Variants in KIF13A observed in about 807,000 individuals in gnomAD.
KIF13A encodes the protein kinesin family member 13A.
A neutral mutation model predicts 212.2 loss-of-function variants in KIF13A; 79 were observed. The ratio of observed to expected loss-of-function variants is 0.37; its 90% CI spans 0.31 to 0.45. The LOEUF (loss-of-function observed/expected upper bound fraction) is 0.45. Ranked by LOEUF, KIF13A falls within the 20% of genes least tolerant of loss-of-function variation. The probability of loss-of-function intolerance (pLI) is 1.00; values close to 1 mark genes in which losing one functional copy is unlikely to be tolerated. For missense variants in KIF13A, 1,901 were observed against 2,209.0 expected, an observed-to-expected ratio of 0.86 and a Z score of 2.79; for synonymous variants, 789 against 808.6, an observed-to-expected ratio of 0.98 and a Z score of 0.41.
At chr6:17,973,590 G>T (rs569891421) in intron 2 of KIF13A, among the ~76,000 whole-genome samples, 1 of 151,984 alleles carries the variant, frequency 6.6e-6, no homozygotes, top group African/African-American at 2.4e-5. Flanking sequence ...TCAAAGTACC[G>T]TTGGGATAAA....
Position 17,918,061 on chromosome 6 carries a change from G to A in KIF13A, c.147-19881C>T, listed in dbSNP as rs1774707716. Among the ~76,000 whole-genome samples the A allele has an allele frequency of 6.6e-6, 1 of 151,986 alleles. No individual in the cohort carries two copies. The highest frequency in any genetic ancestry group is 2.4e-5 in the African/African-American group (1 of 41,376). Reference sequence around the variant, plus strand: ...CCTGTTGCACTTTCTCGGAGTCATGGTTTGTTGTCTGTCTTGTCCCCTTTA... The same window carrying A: ...CCTGTTGCACTTTCTCGGAGTCATGATTTGTTGTCTGTCTTGTCCCCTTTA... On this transcript the variant is annotated intron_variant, in intron 2 of 38. Transcript: ENST00000259711. This position sits in a 1 kb window ranked among gnomAD's most constrained non-coding sequence, Gnocchi z 4.8.
At chr6:17,901,377 T>A (rs1187226482) in intron 2 of KIF13A, among the ~76,000 whole-genome samples, 1 of 152,194 alleles carries the variant, frequency 6.6e-6, no homozygotes, top group Non-Finnish European at 1.5e-5. Flanking sequence ...TGAAATATTA[T>A]CTTAATCTTC....
rs1389856503 is a variant in KIF13A, at chr6:17,981,414, TTTTTC to T, written c.146+5635_146+5639del. 2.2e-3 allele frequency among the ~76,000 whole-genome samples: 332 copies of T among 150,822 alleles called. 1 individual carries two copies. The highest frequency in any genetic ancestry group is 7.3e-3 in the African/African-American group (299 of 40,842). ...TGCATTATAATTACTTTTAGTTTTG[TTTTTC>T]TTTTTTCTTTTTTTTTTTTTTTTTG... On this transcript the variant is annotated intron_variant, in intron 2 of 38. Coordinates refer to ENST00000259711, the MANE Select transcript of KIF13A (RefSeq NM_022113.6).
intron 20 of KIF13A, among the ~76,000 whole-genome samples, chr6:17,803,349 G>T (rs1218672595): frequency 3.9e-5 from 6 of 152,070 alleles, no homozygotes; most frequent in Non-Finnish European, 4.4e-5. Flanking sequence ...GCTCTGTTAG[G>T]CACTGGTCCT....
chr6:17,851,328 C>T (rs1444331960), intron 7 of KIF13A, among the ~76,000 whole-genome samples: 1 of 152,122 alleles, frequency 6.6e-6, no homozygotes, highest in African/African-American at 2.4e-5. Context: ...CAGCCACATC[C>T]CACAAACAGC....
In KIF13A at chr6:17,783,195, T is replaced by C. The variant is rs1417518899; in HGVS notation, c.3544+451A>G. ...AAAGGATTGTTCTGCTAAAGCACATTGGAAACCATTGTTCTAGACTTGCCC... is the reference window on the plus strand; with the variant it reads ...AAAGGATTGTTCTGCTAAAGCACATCGGAAACCATTGTTCTAGACTTGCCC... On this transcript the variant is annotated intron_variant, in intron 29 of 38. Coordinates refer to ENST00000259711, the MANE Select transcript of KIF13A (RefSeq NM_022113.6). This position sits in a 1 kb window ranked among gnomAD's most constrained non-coding sequence, Gnocchi z 4.3. Among the ~76,000 whole-genome samples the C allele has an allele frequency of 6.6e-6, 1 of 152,252 alleles. No homozygotes were observed. The highest frequency in any genetic ancestry group is 6.5e-5 in the Admixed American group (1 of 15,284).
At position 17,764,711 on chromosome 6, in the gene KIF13A, T is replaced by A; in HGVS notation, c.4817A>T (p.Asn1606Ile). ...TSGYFSHSAS[N>I]ATLSDMVVPS... The stretch of plus-strand genomic sequence containing the variant: ...GACCACCATGTCAGACAGGGTGGCA[T>A]TGGAGGCACTGTGGGAAAAGTAGCC... The change falls in exon 39 of 39, where the codon AAT (asparagine) becomes ATT (isoleucine). Residue 1606 changes from asparagine to isoleucine, a missense_variant. Coordinates refer to ENST00000259711, the MANE Select transcript of KIF13A (RefSeq NM_022113.6). The surrounding 1 kb of genome is among the most constrained non-coding windows in gnomAD (Gnocchi z 5.1). 6.2e-7 allele frequency: 1 copy of A among 1,613,410 alleles called. No individual in the cohort carries two copies.
In KIF13A at chr6:17,763,955, C is replaced by G. The variant is rs1232316468; in HGVS notation, c.*155G>C. On this transcript the variant is annotated 3_prime_UTR_variant, in exon 39 of 39. Transcript: ENST00000259711. ...TAATTTCACAATTGCGTTCTAGTTCCCAAAACAGACTTGCTCTCCGACAGA... is the reference window on the plus strand; with the variant it reads ...TAATTTCACAATTGCGTTCTAGTTCGCAAAACAGACTTGCTCTCCGACAGA... 1 of 1,443,102 alleles carries G rather than the reference C, an allele frequency of 6.9e-7. No individual in the cohort carries two copies. The highest frequency in any genetic ancestry group is 2.9e-5 in the Admixed American group (1 of 34,916). 89.4% of individuals were successfully genotyped at this position (1,443,102 alleles called of 1,614,324 possible). A position where few individuals can be genotyped will look rare whatever the true frequency, so the allele number is the denominator to read the frequency against.
chr6:17,804,179 T>G (rs1762733215), intron 20 of KIF13A, among the ~76,000 whole-genome samples, 182 bp downstream of exon 20: 1 of 134,990 alleles, frequency 7.4e-6, no homozygotes. Context: ...AACAAAACCA[T>G]GACTTAATCC....
At chr6:17,779,255 ATATTTTTTTTTTT>A (rs1296403077) in intron 32 of KIF13A, among the ~76,000 whole-genome samples, 156 bp from the exon 33 acceptor site, 1 of 9,880 alleles carries the variant, frequency 1.0e-4, no homozygotes, top group African/African-American at 4.3e-4. Flanking sequence ...ATATATATAT[ATATTTTTTTTTTT>A]TTTTTTTTTT....
chr6:17,782,298 G>A (rs1046669394), intron 29 of KIF13A, among the ~76,000 whole-genome samples: 4 of 152,016 alleles, frequency 2.6e-5, no homozygotes, highest in African/African-American at 9.7e-5. Context: ...CTATAAGATG[G>A]AATGAATATA....
chr6:17,836,335 T>G (rs866986911), intron 11 of KIF13A, among the ~76,000 whole-genome samples: 37 of 152,342 alleles, frequency 2.4e-4, no homozygotes, highest in Admixed American at 6.5e-4. Flanking sequence ...ATAATGTTAA[T>G]ATAAACAACA....
At chr6:17,972,004 G>A (rs1468581121) in intron 2 of KIF13A, among the ~76,000 whole-genome samples, 1 of 152,148 alleles carries the variant, frequency 6.6e-6, no homozygotes, top group Non-Finnish European at 1.5e-5. Flanking sequence ...AGACTAGGCT[G>A]TAATCCTAGA....
intron 2 of KIF13A, among the ~76,000 whole-genome samples, chr6:17,931,483 C>A (rs1025553003): frequency 5.9e-5 from 9 of 152,128 alleles, no homozygotes; most frequent in Non-Finnish European, 7.3e-5. Flanking sequence ...TAAAAACTCA[C>A]ATGTTGGGAA....
intron 18 of KIF13A, among the ~76,000 whole-genome samples, chr6:17,807,783 G>A (rs577186385): frequency 2.9e-4 from 44 of 150,462 alleles, no homozygotes; most frequent in African/African-American, 9.7e-4. Context: ...TGGTCCTACC[G>A]ATATGTGATG....
At chr6:17,920,648 T>C (rs541964986) in intron 2 of KIF13A, among the ~76,000 whole-genome samples, 6 of 152,046 alleles carry the variant, frequency 3.9e-5, no homozygotes, top group African/African-American at 1.4e-4. Context: ...CCGAGGTGGG[T>C]GGATTACCTG....
rs1581516553 is a variant in KIF13A, at chr6:17,849,346, A to C, written c.830+31T>G. The C allele has an allele frequency of 6.7e-7, 1 of 1,490,902 alleles. No individual in the cohort carries two copies. The highest frequency in any genetic ancestry group is 9.3e-7 in the Non-Finnish European group (1 of 1,074,908). 92.4% of individuals were successfully genotyped at this position (1,490,902 alleles called of 1,614,324 possible). ...AACAAATCCCCTCCAGAAGGAAATC[A>C]CCCAGGCTGTTCTGGGACCAGCCAC... On this transcript the variant is annotated intron_variant, in intron 9 of 38. Coordinates refer to ENST00000259711, the MANE Select transcript of KIF13A (RefSeq NM_022113.6). The surrounding 1 kb of genome is among the most constrained non-coding windows in gnomAD (Gnocchi z 5.7).
chr6:17,800,981 C>T (rs941868191), intron 20 of KIF13A, among the ~76,000 whole-genome samples: 12 of 151,984 alleles, frequency 7.9e-5, no homozygotes, highest in African/African-American at 2.9e-4. Context: ...ATCTGCCTGC[C>T]TCGGCCTCCC....
chr6:17,799,261 T>A lies in KIF13A; in HGVS notation c.2790+5A>T, dbSNP rs1762286845. The A allele has an allele frequency of 3.8e-6, 6 of 1,577,012 alleles. No homozygotes were observed. The highest frequency in any genetic ancestry group is 5.2e-6 in the Non-Finnish European group (6 of 1,161,444). On this transcript the variant is annotated splice_donor_5th_base_variant and intron_variant, in intron 22 of 38. Coordinates refer to ENST00000259711, the MANE Select transcript of KIF13A (RefSeq NM_022113.6). The surrounding 1 kb of genome is among the most constrained non-coding windows in gnomAD (Gnocchi z 4.4). ...ACACAGCTCATTTGGTAATGGCATT[T>A]GTACCTTACAGTGGGAGAAGGTCAC...
Sources: allele counts gnomAD v4.1 joint callset (sites outside exome capture counted in the v4.1 genomes callset), GRCh38; gene constraint gnomAD v4.1.1; non-coding constraint Gnocchi (gnomAD v3.1); transcripts MANE v1.5; gene names NCBI Gene and HGNC (gene_info 2026-07-23, HGNC 2026-07-21).